POU6F2: variants seen among roughly 807,000 people sequenced by gnomAD.
POU6F2 encodes POU class 6 homeobox 2.
A neutral mutation model predicts 71.3 loss-of-function variants in POU6F2; 31 were observed. That is an observed-to-expected ratio of 0.43 (90% CI 0.33 to 0.59). POU6F2 has a LOEUF of 0.59. Among genes scored for constraint, POU6F2 ranks in the 20% least tolerant of loss-of-function variants. The probability of loss-of-function intolerance (pLI) is 0.04; values close to 1 mark genes in which losing one functional copy is unlikely to be tolerated. For synonymous variants in POU6F2, 347 were observed against 355.7 expected, an observed-to-expected ratio of 0.98 and a Z score of 0.27; for missense variants, 783 against 856.8, an observed-to-expected ratio of 0.91 and a Z score of 1.07.
chr7:39,322,989 A>T (rs1430180517), intron 4 of POU6F2, among the ~76,000 whole-genome samples: 1 of 152,190 alleles, frequency 6.6e-6, no homozygotes, highest in East Asian at 1.9e-4. Context: ...CATGTTAGGT[A>T]GGAAGAATAA....
At chr7:39,153,287 A>G (rs1792797980) in intron 2 of POU6F2, among the ~76,000 whole-genome samples, 1 of 152,158 alleles carries the variant, frequency 6.6e-6, no homozygotes, top group Admixed American at 6.5e-5. Flanking sequence ...AAAAAAATAG[A>G]TTGATCTGTA....
At chr7:39,386,269 G>A (rs1185990561) in intron 5 of POU6F2, among the ~76,000 whole-genome samples, 2 of 152,080 alleles carry the variant, frequency 1.3e-5, no homozygotes, top group African/African-American at 2.4e-5. Flanking sequence ...TCTTCTTCAG[G>A]GGTCAATCCC....
intron 2 of POU6F2, among the ~76,000 whole-genome samples, chr7:39,087,066 CAAAA>C (rs141947774): frequency 2.5e-5 from 3 of 121,726 alleles, no homozygotes; most frequent in African/African-American, 9.1e-5. Context: ...ACCTGAACTT[CAAAA>C]AAAAAAAAAA....
At chr7:39,195,517 A>T (rs1584595048) in intron 2 of POU6F2, among the ~76,000 whole-genome samples, 1 of 152,304 alleles carries the variant, frequency 6.6e-6, no homozygotes, top group East Asian at 1.9e-4. Context: ...TATCACTGTC[A>T]TTCTCACGAT....
chr7:39,219,074 C>T (rs1272106243), intron 4 of POU6F2, among the ~76,000 whole-genome samples: 1 of 152,104 alleles, frequency 6.6e-6, no homozygotes, highest in Admixed American at 6.6e-5. Flanking sequence ...AATCGTTGTG[C>T]ACCAGGTTAT....
intron 1 of POU6F2, among the ~76,000 whole-genome samples, chr7:38,990,325 T>C (rs544309547): frequency 6.6e-6 from 1 of 152,248 alleles, no homozygotes; most frequent in African/African-American, 2.4e-5. Context: ...TCAACTAACC[T>C]TTTTCCTGTC....
intron 1 of POU6F2, among the ~76,000 whole-genome samples, chr7:39,061,844 A>G (rs1319178049): frequency 6.6e-6 from 1 of 152,210 alleles, no homozygotes; most frequent in East Asian, 1.9e-4. Context: ...AAAGACTGAA[A>G]AACCAGCTTG....
intron 6 of POU6F2, among the ~76,000 whole-genome samples, chr7:39,423,901 G>C (rs552411779): frequency 6.6e-6 from 1 of 152,180 alleles, no homozygotes; most frequent in East Asian, 1.9e-4. Context: ...GCCAGTCAAC[G>C]TTGATTCCAA....
At chr7:39,420,996 T>A (rs1285742341) in intron 6 of POU6F2, among the ~76,000 whole-genome samples, 1 of 152,188 alleles carries the variant, frequency 6.6e-6, no homozygotes, top group African/African-American at 2.4e-5. Context: ...ACTCTTTTTC[T>A]GAGGGACATT....
chr7:39,016,785 C>T (rs904988323), intron 1 of POU6F2, among the ~76,000 whole-genome samples: 8 of 152,036 alleles, frequency 5.3e-5, no homozygotes, highest in African/African-American at 1.9e-4. Context: ...AGCGTGCTCT[C>T]TGCAGATGGA....
intron 2 of POU6F2, among the ~76,000 whole-genome samples, chr7:39,110,027 T>C (rs1791771850): frequency 6.6e-6 from 1 of 152,124 alleles, no homozygotes; most frequent in Non-Finnish European, 1.5e-5. Context: ...TCCCAGCACT[T>C]TGGGAGGCCG....
intron 5 of POU6F2, among the ~76,000 whole-genome samples, chr7:39,363,206 T>C (rs1480272637): frequency 2.0e-5 from 3 of 152,114 alleles, no homozygotes; most frequent in African/African-American, 7.2e-5. Context: ...TCTGAATATA[T>C]TTTAAGGAAG....
intron 2 of POU6F2, among the ~76,000 whole-genome samples, chr7:39,147,116 G>A (rs1249337887): frequency 6.6e-6 from 1 of 151,844 alleles, no homozygotes; most frequent in Admixed American, 6.6e-5. Flanking sequence ...CTACAGACAG[G>A]GTTTATCAAA....
At chr7:38,991,250 T>C (rs1460888368) in intron 1 of POU6F2, among the ~76,000 whole-genome samples, 1 of 152,152 alleles carries the variant, frequency 6.6e-6, no homozygotes, top group Non-Finnish European at 1.5e-5. Context: ...GATAAATACA[T>C]GCCTCATGCA....
intron 4 of POU6F2, among the ~76,000 whole-genome samples, chr7:39,217,497 C>T (rs1001260893): frequency 3.3e-5 from 5 of 152,172 alleles, no homozygotes; most frequent in African/African-American, 9.7e-5. Flanking sequence ...ATGAACTTGA[C>T]AGCAGAGATC....
chr7:39,015,386 AATAG>A (rs1411453969), intron 1 of POU6F2, among the ~76,000 whole-genome samples: 34 of 127,770 alleles, frequency 2.7e-4, no homozygotes, highest in South Asian at 2.3e-4. Context: ...TATAATATAT[AATAG>A]ATATATATTA....
rs903372918 is a variant in POU6F2, at chr7:39,467,111, A to G, written c.*2425A>G. 4 of 152,252 alleles carry G rather than the reference A, an allele frequency of 2.6e-5. No homozygotes were observed. Among genetic ancestry groups the G allele is most frequent in the African/African-American group, 9.6e-5 (4 of 41,466 alleles). 9.4% of individuals were successfully genotyped at this position (152,252 alleles called of 1,614,324 possible). ...AAATATAAAATAAAAGTAATCTTCCAGAGTGGAACAAAAAAGAAATATATT... is the reference window on the plus strand; with the variant it reads ...AAATATAAAATAAAAGTAATCTTCCGGAGTGGAACAAAAAAGAAATATATT... On this transcript the variant is annotated 3_prime_UTR_variant, in exon 10 of 10. Coordinates refer to ENST00000518318, the MANE Select transcript of POU6F2 (RefSeq NM_001370959.1).
intron 4 of POU6F2, among the ~76,000 whole-genome samples, chr7:39,217,032 A>G (rs1794258040): frequency 6.6e-6 from 1 of 152,262 alleles, no homozygotes; most frequent in African/African-American, 2.4e-5. Flanking sequence ...AGAAATTCTT[A>G]TATTAATAGG....
At position 39,465,681 on chromosome 7, in the gene POU6F2, A is replaced by G. The variant is rs1162581471; in HGVS notation, c.*995A>G. The G allele has an allele frequency of 6.6e-6, 1 of 152,222 alleles. No homozygotes were observed. The highest frequency in any genetic ancestry group is 2.4e-5 in the African/African-American group (1 of 41,450). The allele number at this position is 152,222 out of a possible 1,614,324, so 9.4% of individuals were successfully genotyped here. ...AGTGAAATGCAGGAGAGACTCCAAA[A>G]TAACTAGGGCTTTGCTCGATGAACT... is the stretch of plus-strand genomic sequence containing the variant. On this transcript the variant is annotated 3_prime_UTR_variant, in exon 10 of 10. Transcript: ENST00000518318.
Sources: allele counts gnomAD v4.1 joint callset (sites outside exome capture counted in the v4.1 genomes callset), GRCh38; gene constraint gnomAD v4.1.1; transcripts MANE v1.5; gene names NCBI Gene and HGNC (gene_info 2026-07-23, HGNC 2026-07-21).